The following PHF20L1 variants were observed in gnomAD, a reference collection of about 807,000 sequenced individuals.
PHF20L1 encodes the protein PHD finger protein 20 like 1.
In PHF20L1, 44 loss-of-function variants were observed where a neutral mutation model predicts 125.5. That is an observed-to-expected ratio of 0.35 (90% CI 0.28 to 0.45). PHF20L1 has a LOEUF of 0.45. Ranked by LOEUF, PHF20L1 falls within the 20% of genes least tolerant of loss-of-function variation. The pLI is 1.00. For synonymous variants in PHF20L1, 380 were observed against 403.1 expected (o/e 0.94, Z 0.69); for missense variants, 1,012 against 1,217.2 (o/e 0.83, Z 2.51).
At chr8:132,825,221 AGGAT>A (rs1836038692) in intron 13 of PHF20L1, 39 bp from the exon 14 acceptor site, 1 of 1,591,004 alleles carries the variant, frequency 6.3e-7, no homozygotes, top group Admixed American at 1.7e-5. Flanking sequence ...GGAACAACTC[AGGAT>A]CAGTCGTGAT....
intron 2 of PHF20L1, among the ~76,000 whole-genome samples, chr8:132,780,239 C>G (rs926521546): frequency 1.3e-5 from 2 of 152,144 alleles, no homozygotes; most frequent in African/African-American, 4.8e-5. Context: ...TGCTCTTGGA[C>G]CAACTATTTA....
intron 2 of PHF20L1, among the ~76,000 whole-genome samples, chr8:132,785,334 ACT>A (rs1201452885): frequency 1.3e-5 from 2 of 152,140 alleles, no homozygotes; most frequent in East Asian, 3.8e-4. Context: ...GTGGTAGTTA[ACT>A]CTACTAAAAA....
At position 132,846,177 on chromosome 8, in the gene PHF20L1, A is replaced by G. The variant is rs1838407792; in HGVS notation, c.*254A>G. 2 of 361,792 alleles carry G rather than the reference A, an allele frequency of 5.5e-6. No individual in the cohort carries two copies. The highest frequency in any genetic ancestry group is 4.0e-5 in the Admixed American group (1 of 25,234). 22.4% of individuals were successfully genotyped at this position (361,792 alleles called of 1,614,324 possible). A position where few individuals can be genotyped will look rare whatever the true frequency, so the allele number is the denominator to read the frequency against. On this transcript the variant is annotated 3_prime_UTR_variant, in exon 21 of 21. Transcript: ENST00000395386. ...ATGCCAAGGAACAATGAAGTAGAAT[A>G]TAATGTATACTAAGGGATTTCAAGT...
intron 2 of PHF20L1, 85 bp downstream of exon 2, chr8:132,777,996 GGTAGCA>G (rs1830017419): frequency 2.4e-6 from 2 of 830,688 alleles, no homozygotes; most frequent in South Asian, 3.0e-5. Context: ...TTCCACTGAT[GGTAGCA>G]GAAACATCAG....
chr8:132,777,684 CATGTATTGTTT>C, intron 1 of PHF20L1, 97 bp from the exon 2 acceptor site: 1 of 580,724 alleles, frequency 1.7e-6, no homozygotes, highest in Middle Eastern at 3.2e-4. Context: ...TTCATATTCT[CATGTATTGTTT>C]TAGAAATTCT....
intron 19 of PHF20L1, chr8:132,843,544 AT>A: frequency 1.0e-6 from 1 of 984,370 alleles, no homozygotes; most frequent in Non-Finnish European, 1.2e-6. Context: ...GTGGTAAGTT[AT>A]TTTGTTTAAT....
Position 132,824,736 on chromosome 8 carries a change from AT to A in PHF20L1, c.1637-519del, listed in dbSNP as rs1381480984. 34 of 169,212 alleles carry A rather than the reference AT, an allele frequency of 2.0e-4. No individual in the cohort carries two copies. In the East Asian group the frequency reaches 2.1e-3, roughly 10 times the overall value. 10.5% of individuals were successfully genotyped at this position (169,212 alleles called of 1,614,324 possible). On this transcript the variant is annotated intron_variant, in intron 13 of 20. Coordinates refer to ENST00000395386, the MANE Select transcript of PHF20L1 (RefSeq NM_016018.5). ...TGGAAAAATTAGTTTAATGAAATATATTTTTTTTTCCTCGTGTTCTTAGCCT... is the reference window on the plus strand; with the variant it reads ...TGGAAAAATTAGTTTAATGAAATATATTTTTTTTCCTCGTGTTCTTAGCCT...
Position 132,786,051 on chromosome 8 carries a change from A to T in PHF20L1, c.83+8140A>T, listed in dbSNP as rs561563586. Among the ~76,000 whole-genome samples the T allele has an allele frequency of 3.3e-5, 5 of 152,272 alleles. No individual in the cohort carries two copies. The East Asian group carries it at 9.6e-4, about 29-fold the overall frequency. ...AGTTACCATTTCAGAAAATTATGGC[A>T]AATACATTGTGACTTTTGGATTGAA... On this transcript the variant is annotated intron_variant, in intron 2 of 20. Transcript: ENST00000395386.
At chr8:132,844,508 T>C (rs1026180305) in intron 20 of PHF20L1, among the ~76,000 whole-genome samples, 190 bp downstream of exon 20, 1 of 152,108 alleles carries the variant, frequency 6.6e-6, no homozygotes, top group Non-Finnish European at 1.5e-5. Flanking sequence ...TGTGACCGGG[T>C]ATGACCTTAG....
intron 2 of PHF20L1, among the ~76,000 whole-genome samples, chr8:132,778,541 G>A (rs1830076559): frequency 6.6e-6 from 1 of 152,094 alleles, no homozygotes; most frequent in South Asian, 2.1e-4. Context: ...TGTGGTAAGT[G>A]GTAAATTTAA....
intron 9 of PHF20L1, chr8:132,812,971 T>C (rs917721193): frequency 2.1e-6 from 2 of 939,000 alleles, no homozygotes; most frequent in African/African-American, 3.6e-5. Context: ...TAGGGATATG[T>C]CATGTTATAT....
chr8:132,843,440 A>G (rs1049563467), intron 19 of PHF20L1: 43 of 980,400 alleles, frequency 4.4e-5, no homozygotes, highest in Non-Finnish European at 5.1e-5. Flanking sequence ...CCACTTTAAA[A>G]TTAGATGTTT....
chr8:132,835,529 AT>A (rs1329076189), intron 15 of PHF20L1, among the ~76,000 whole-genome samples: 1 of 152,084 alleles, frequency 6.6e-6, no homozygotes, highest in Non-Finnish European at 1.5e-5. Context: ...CCTGAGCAAA[AT>A]GGTAGGCTTT....
At chr8:132,804,178 A>G (rs1833415573) in intron 7 of PHF20L1, 146 bp downstream of exon 7, 1 of 615,168 alleles carries the variant, frequency 1.6e-6, no homozygotes, top group African/African-American at 1.9e-5. Flanking sequence ...TAACTTTTTT[A>G]GCATCTTACA....
chr8:132,807,971 T>C (rs535605317), intron 8 of PHF20L1: 17 of 227,422 alleles, frequency 7.5e-5, no homozygotes, highest in Non-Finnish European at 1.4e-4. Context: ...TTAATTCTTC[T>C]CATTTTCTAT....
intron 8 of PHF20L1, chr8:132,809,619 G>A (rs1834133753): frequency 6.6e-6 from 1 of 152,122 alleles, no homozygotes; most frequent in Non-Finnish European, 1.5e-5. Flanking sequence ...AATATGTTGT[G>A]GACAGCTTCT....
chr8:132,841,574 C>T (rs1837937938), intron 18 of PHF20L1: 1 of 151,954 alleles, frequency 6.6e-6, no homozygotes, highest in Non-Finnish European at 1.5e-5. Context: ...TTATATCTCC[C>T]GAATGCCCTT....
chr8:132,833,356 G>C (rs1836985042), intron 15 of PHF20L1, among the ~76,000 whole-genome samples: 1 of 152,042 alleles, frequency 6.6e-6, no homozygotes, highest in Non-Finnish European at 1.5e-5. Flanking sequence ...CATGACACTT[G>C]TGAGATTTTA....
chr8:132,830,974 A>G (rs952566389), intron 14 of PHF20L1, among the ~76,000 whole-genome samples: 3 of 152,026 alleles, frequency 2.0e-5, no homozygotes, highest in Admixed American at 6.6e-5. Context: ...CCTCCAGTCT[A>G]TAACAGCACT....
Sources: gnomAD v4.1 joint callset for allele counts (sites outside exome capture counted in the v4.1 genomes callset) on GRCh38, gnomAD v4.1.1 for gene constraint, MANE v1.5 for transcripts, NCBI Gene and HGNC (gene_info 2026-07-23, HGNC 2026-07-21) for gene names.